Variants in AK5 observed in about 807,000 individuals in gnomAD.
The protein encoded by AK5 is adenylate kinase 5, also known as adenylate kinase isoenzyme 5.
Under a neutral mutation model 69.5 loss-of-function variants are expected in AK5, and 27 were observed. The observed-to-expected ratio is 0.39, with a 90% CI of 0.29 to 0.54. The LOEUF (loss-of-function observed/expected upper bound fraction) is 0.54, where lower values mean the gene tolerates loss of function less well. Ranked by LOEUF, AK5 falls within the 20% of genes least tolerant of loss-of-function variation. The pLI is 0.71. For synonymous variants in AK5, 260 were observed against 244.4 expected, an observed-to-expected ratio of 1.06 and a Z score of -0.60; for missense variants, 531 against 700.4, an observed-to-expected ratio of 0.76 and a Z score of 2.73.
chr1:77,555,385 G>A (rs745780719), intron 13 of AK5, among the ~76,000 whole-genome samples: 2 of 152,138 alleles, frequency 1.3e-5, no homozygotes, highest in Non-Finnish European at 2.9e-5. Flanking sequence ...TACAATTCCA[G>A]CTTCACTCCT....
chr1:77,369,136 T>TA (rs1208201116), intron 6 of AK5, among the ~76,000 whole-genome samples: 1 of 152,122 alleles, frequency 6.6e-6, no homozygotes, highest in Non-Finnish European at 1.5e-5. Context: ...AAATGTTTTA[T>TA]AAAAAATTAT....
At chr1:77,440,609 C>T (rs570931373) in intron 8 of AK5, among the ~76,000 whole-genome samples, 5 of 152,134 alleles carry the variant, frequency 3.3e-5, no homozygotes, top group African/African-American at 7.2e-5. Context: ...CTTCCAACTT[C>T]CAGAATAAAA....
intron 12 of AK5, among the ~76,000 whole-genome samples, chr1:77,531,080 G>A (rs531765698): frequency 1.8e-4 from 28 of 152,220 alleles, no homozygotes; most frequent in South Asian, 4.2e-4. Flanking sequence ...GGACCCTCGC[G>A]GTGAGTGTTA....
chr1:77,388,981 C>T (rs955235761), intron 6 of AK5, among the ~76,000 whole-genome samples: 8 of 151,976 alleles, frequency 5.3e-5, no homozygotes, highest in Admixed American at 3.3e-4. Flanking sequence ...GAGCTAGCTC[C>T]GAAATGAGAA....
At chr1:77,430,779 C>T (rs1477872262) in intron 8 of AK5, among the ~76,000 whole-genome samples, 3 of 151,988 alleles carry the variant, frequency 2.0e-5, no homozygotes, top group African/African-American at 7.2e-5. Flanking sequence ...GCAGGGAGTG[C>T]CAAATGTGGC....
At chr1:77,461,802 C>T (rs1336816075) in intron 8 of AK5, among the ~76,000 whole-genome samples, 2 of 150,764 alleles carry the variant, frequency 1.3e-5, no homozygotes, top group Admixed American at 6.6e-5. Flanking sequence ...ATCTATTGTA[C>T]AGCATAGTGA....
At chr1:77,548,271 T>C (rs1474651017) in intron 13 of AK5, among the ~76,000 whole-genome samples, 1 of 152,220 alleles carries the variant, frequency 6.6e-6, no homozygotes, top group Non-Finnish European at 1.5e-5. Context: ...TCCTTCTTTC[T>C]ATGGCTTTGA....
intron 8 of AK5, among the ~76,000 whole-genome samples, chr1:77,445,110 C>A (rs1652667669): frequency 6.6e-6 from 1 of 152,118 alleles, no homozygotes. Flanking sequence ...GTACAGACAT[C>A]TTTATGCGGT....
intron 10 of AK5, among the ~76,000 whole-genome samples, chr1:77,510,626 A>G (rs1657287994): frequency 6.6e-6 from 1 of 152,246 alleles, no homozygotes; most frequent in South Asian, 2.1e-4. Context: ...GATGTTATAC[A>G]GAAGAAAAGA....
chr1:77,535,684 A>AG (rs796561602), intron 12 of AK5, among the ~76,000 whole-genome samples, 163 bp from the exon 13 acceptor site: 8 of 152,232 alleles, frequency 5.3e-5, no homozygotes, highest in African/African-American at 1.4e-4. Context: ...CTGACCTGGA[A>AG]GGGGGGAGCT....
At chr1:77,482,090 T>C (rs1655289369) in intron 8 of AK5, among the ~76,000 whole-genome samples, 1 of 152,246 alleles carries the variant, frequency 6.6e-6, no homozygotes, top group Admixed American at 6.5e-5. Context: ...CACATATGCA[T>C]GTATAATAAA....
At chr1:77,453,236 C>A (rs1243918881) in intron 8 of AK5, among the ~76,000 whole-genome samples, 11 of 152,208 alleles carry the variant, frequency 7.2e-5, no homozygotes, top group Admixed American at 7.2e-4. Context: ...AAAGCAAGTA[C>A]TTTTCTCTGT....
intron 6 of AK5, chr1:77,349,297 A>AT (rs1156840767): frequency 6.6e-6 from 1 of 152,224 alleles, no homozygotes; most frequent in African/African-American, 2.4e-5. Flanking sequence ...CATTAAAAAA[A>AT]ACTAAAAAAC....
intron 13 of AK5, among the ~76,000 whole-genome samples, chr1:77,546,789 A>T (rs191618370): frequency 6.6e-6 from 1 of 152,210 alleles, no homozygotes; most frequent in Non-Finnish European, 1.5e-5. Flanking sequence ...CCATAATAGG[A>T]TCTACAGAAT....
At chr1:77,324,726 C>T (rs992774025) in intron 5 of AK5, among the ~76,000 whole-genome samples, 8 of 151,754 alleles carry the variant, frequency 5.3e-5, no homozygotes, top group Admixed American at 5.3e-4. Flanking sequence ...TACCCTCCTC[C>T]TGGAAGTAGG....
At position 77,483,286 on chromosome 1, in the gene AK5, T is replaced by C. The variant is rs1299484971; in HGVS notation, c.1060-31T>C. The C allele has an allele frequency of 1.9e-6, 3 of 1,559,698 alleles. No homozygotes were observed. The Admixed American group carries it at 5.0e-5, about 26-fold the overall frequency. ...GAGTTCAGCAAAATACCTGCTGTTA[T>C]TATTATCTAATATTGTGATTTTTTT... On this transcript the variant is annotated intron_variant, in intron 8 of 13. Transcript: ENST00000354567.
chr1:77,400,830 G>T (rs1290407749), intron 6 of AK5, among the ~76,000 whole-genome samples: 1 of 148,928 alleles, frequency 6.7e-6, no homozygotes, highest in Admixed American at 6.8e-5. Context: ...GTTTTACTCA[G>T]ATATACACAG....
In AK5 at chr1:77,411,074, A is replaced by G. The variant is rs1461645996; in HGVS notation, c.982+3A>G. Reference sequence around the variant, plus strand: ...TCCAAACAAAGAGGCTGCAGCAGGTAAGTCACTGTGTCCTTTAGACAACAG... The same window carrying G: ...TCCAAACAAAGAGGCTGCAGCAGGTGAGTCACTGTGTCCTTTAGACAACAG... On this transcript the variant is annotated splice_donor_region_variant and intron_variant, in intron 7 of 13. Coordinates refer to ENST00000354567, the MANE Select transcript of AK5 (RefSeq NM_174858.3). 6.2e-7 allele frequency: 1 copy of G among 1,612,570 alleles called. No individual in the cohort carries two copies.
intron 3 of AK5, among the ~76,000 whole-genome samples, chr1:77,296,860 A>G (rs986983600): frequency 6.6e-6 from 1 of 152,200 alleles, no homozygotes; most frequent in Admixed American, 6.5e-5. Flanking sequence ...GTATATGGAT[A>G]TGTAGTTTTT....
Sources: allele counts gnomAD v4.1 joint callset (sites outside exome capture counted in the v4.1 genomes callset), GRCh38; gene constraint gnomAD v4.1.1; transcripts MANE v1.5; gene names NCBI Gene and HGNC (gene_info 2026-07-23, HGNC 2026-07-21).